Variants in BTK observed in about 807,000 individuals in gnomAD.
The protein encoded by BTK is Bruton tyrosine kinase.
Under a neutral mutation model 57.4 loss-of-function variants are expected in BTK, and 5 were observed. The ratio of observed to expected loss-of-function variants is 0.09; its 90% CI spans 0.05 to 0.18. The LOEUF (loss-of-function observed/expected upper bound fraction) is 0.18, where lower values mean the gene tolerates loss of function less well. Ranked by LOEUF, BTK falls within the 10% of genes least tolerant of loss-of-function variation. BTK has a pLI of 1.00. For synonymous variants in BTK, 154 were observed against 174.3 expected (o/e 0.88, Z 0.92); for missense variants, 194 against 501.2 (o/e 0.39, Z 5.85).
intron 1 of BTK, among the ~76,000 whole-genome samples, chrX:101,378,264 AGTAGAG>A (rs1927282757): frequency 9.1e-5 from 10 of 110,285 alleles, no homozygotes; most frequent in East Asian, 8.6e-4. Flanking sequence ...TTGTATTTTT[AGTAGAG>A]GTGGGGTTTC....
At chrX:101,351,217 A>C (rs1196757584) in intron 18 of BTK, among the ~76,000 whole-genome samples, 3 of 111,175 alleles carry the variant, frequency 2.7e-5, no homozygotes, top group African/African-American at 6.5e-5. Context: ...AATGGTCTAG[A>C]TCTCCTGACC....
upstream of BTK, chrX:101,390,572 TGG>T (rs1555983110): frequency 3.9e-6 from 2 of 513,570 alleles, no homozygotes; most frequent in African/African-American, 4.6e-5. Context: ...CTGGAACAAT[TGG>T]CTCCCTCCAG....
intron 15 of BTK, 91 bp from the exon 16 acceptor site, chrX:101,354,785 G>C: frequency 8.9e-6 from 8 of 900,875 alleles, no homozygotes; most frequent in Non-Finnish European, 1.3e-5. Flanking sequence ...TGAAGCCAGG[G>C]AAGCTTCATC....
chrX:101,371,020 C>G (rs970191916), intron 4 of BTK, among the ~76,000 whole-genome samples: 45 of 112,134 alleles, frequency 4.0e-4, no homozygotes, highest in African/African-American at 1.4e-3. Context: ...AAGCCCCCTC[C>G]CCTGAGACTT....
chrX:101,356,419 A>C, intron 14 of BTK, 151 bp from the exon 15 acceptor site: 6 of 497,269 alleles, frequency 1.2e-5, no homozygotes, highest in African/African-American at 2.4e-5. Flanking sequence ...CCTAAATCTC[A>C]AAAGTGCTTA....
intron 1 of BTK, among the ~76,000 whole-genome samples, chrX:101,376,695 A>T (rs1362773408): frequency 4.8e-5 from 5 of 105,048 alleles, no homozygotes; most frequent in African/African-American, 1.7e-4. Context: ...CCAGCCCTCC[A>T]TTCAAGTTTA....
chrX:101,374,499 C>T (rs782546874), intron 3 of BTK, 37 bp downstream of exon 3: 28 of 1,095,022 alleles, frequency 2.6e-5, no homozygotes, highest in Admixed American at 2.2e-5. Context: ...TTCTTCAAAT[C>T]TGCTGTTCCC....
intron 1 of BTK, among the ~76,000 whole-genome samples, chrX:101,383,267 C>T (rs1555982055): frequency 9.0e-6 from 1 of 111,196 alleles, no homozygotes; most frequent in East Asian, 2.8e-4. Context: ...GTTCAAGGTA[C>T]CTTTTTCCAA....
At chrX:101,383,073 G>GA (rs1213758986) in intron 1 of BTK, among the ~76,000 whole-genome samples, 3 of 111,484 alleles carry the variant, frequency 2.7e-5, no homozygotes, top group East Asian at 2.8e-4. Context: ...ATATAAAAAA[G>GA]AAAAAATCAT....
intron 1 of BTK, among the ~76,000 whole-genome samples, chrX:101,382,040 A>G (rs1367927246): frequency 9.2e-6 from 1 of 108,820 alleles, no homozygotes; most frequent in East Asian, 2.8e-4. Context: ...TCAAAAAAAA[A>G]AAAAAAGAAA....
At chrX:101,378,528 G>C (rs868989091) in intron 1 of BTK, among the ~76,000 whole-genome samples, 1 of 95,390 alleles carries the variant, frequency 1.0e-5, no homozygotes, top group African/African-American at 3.9e-5. Flanking sequence ...CAAACATACA[G>C]ACACACACAC....
chrX:101,379,185 A>ATT (rs200543038), intron 1 of BTK, among the ~76,000 whole-genome samples: 3 of 109,398 alleles, frequency 2.7e-5, no homozygotes, highest in African/African-American at 1.0e-4. Context: ...AAAAATAAAA[A>ATT]AAAAAAAGAA....
intron 3 of BTK, chrX:101,374,303 GCA>G (rs1927135958): frequency 5.1e-6 from 2 of 392,290 alleles, no homozygotes; most frequent in Non-Finnish European, 8.9e-6. Context: ...ACTAGATATA[GCA>G]TCATTTAAAA....
chrX:101,361,643 G>A (rs1926674784), intron 7 of BTK, among the ~76,000 whole-genome samples: 1 of 111,670 alleles, frequency 9.0e-6, no homozygotes, highest in African/African-American at 3.3e-5. Context: ...AGCTGGGCAC[G>A]GTGGCTCACG....
At chrX:101,380,390 G>A (rs1481802339) in intron 1 of BTK, among the ~76,000 whole-genome samples, 1 of 111,904 alleles carries the variant, frequency 8.9e-6, no homozygotes, top group Non-Finnish European at 1.9e-5. Context: ...TTACAGGCAT[G>A]AGCTGCTGCA....
intron 1 of BTK, among the ~76,000 whole-genome samples, chrX:101,383,537 C>T (rs1927519080): frequency 9.6e-6 from 1 of 103,765 alleles, no homozygotes; most frequent in Admixed American, 1.0e-4. Context: ...GCAGACAAAT[C>T]TTTTTTTTTT....
At chrX:101,375,420 G>T in intron 1 of BTK, 106 bp from the exon 2 acceptor site, 1 of 807,907 alleles carries the variant, frequency 1.2e-6, no homozygotes, top group Non-Finnish European at 1.8e-6. Context: ...AATGTGCACA[G>T]CTCACAAAAT....
chrX:101,374,807 G>T (rs893091950), intron 2 of BTK, among the ~76,000 whole-genome samples, 173 bp from the exon 3 acceptor site: 1 of 111,570 alleles, frequency 9.0e-6, no homozygotes, highest in African/African-American at 3.3e-5. Context: ...ACCAAATGGA[G>T]GGCAAATACC....
chrX:101,360,420 G>A, intron 8 of BTK, 148 bp downstream of exon 8: 2 of 638,156 alleles, frequency 3.1e-6, no homozygotes, highest in Non-Finnish European at 4.9e-6. Context: ...CTGCACGCTG[G>A]GAAGTACTTG....
Sources: gnomAD v4.1 joint callset for allele counts (sites outside exome capture counted in the v4.1 genomes callset) on GRCh38, gnomAD v4.1.1 for gene constraint, MANE v1.5 for transcripts, NCBI Gene and HGNC (gene_info 2026-07-23, HGNC 2026-07-21) for gene names.